Variants in SBF2 observed in about 807,000 individuals in gnomAD.
SBF2 encodes myotubularin-related protein 13.
Under a neutral mutation model 225.2 loss-of-function variants are expected in SBF2, and 112 were observed. The ratio of observed to expected loss-of-function variants is 0.50; its 90% CI spans 0.43 to 0.58. The LOEUF is 0.58. Among genes scored for constraint, SBF2 ranks in the 20% least tolerant of loss-of-function variants. SBF2 has a pLI of 0.00. For missense variants in SBF2, 1,996 were observed against 2,206.2 expected, an observed-to-expected ratio of 0.90 and a Z score of 1.91; for synonymous variants, 763 against 773.3, an observed-to-expected ratio of 0.99 and a Z score of 0.22.
chr11:10,188,050 G>A (rs372278238), intron 2 of SBF2, among the ~76,000 whole-genome samples: 1 of 152,060 alleles, frequency 6.6e-6, no homozygotes, highest in East Asian at 1.9e-4. Flanking sequence ...AATTAACTTC[G>A]CTCAAGGCTT....
intron 1 of SBF2, among the ~76,000 whole-genome samples, chr11:10,232,824 C>T (rs4430500): frequency 0.42 from 64,196 of 151,980 alleles, 14,304 homozygotes; most frequent in Non-Finnish European, 0.49. Flanking sequence ...AGCCTATTTT[C>T]AAGCTTCCCC....
At chr11:9,963,717 G>T in intron 15 of SBF2, 56 bp downstream of exon 15, 1 of 856,602 alleles carries the variant, frequency 1.2e-6, no homozygotes, top group Non-Finnish European at 1.9e-6. Context: ...ACCTCAGCAC[G>T]TAAATCTGAA....
chr11:10,136,982 C>T (rs1395900922), intron 2 of SBF2, among the ~76,000 whole-genome samples: 1 of 152,082 alleles, frequency 6.6e-6, no homozygotes, highest in Non-Finnish European at 1.5e-5. Context: ...TTGTGTTAAA[C>T]CTGTGTATCA....
intron 16 of SBF2, among the ~76,000 whole-genome samples, chr11:9,932,232 C>T (rs1864548040): frequency 6.6e-6 from 1 of 152,126 alleles, no homozygotes; most frequent in African/African-American, 2.4e-5. Flanking sequence ...GGAGAACTTC[C>T]CCAACCTAGC....
chr11:9,993,345 C>T (rs1054824486), intron 10 of SBF2, among the ~76,000 whole-genome samples: 1 of 152,046 alleles, frequency 6.6e-6, no homozygotes, highest in Non-Finnish European at 1.5e-5. Flanking sequence ...CAATGCCTTA[C>T]TTAATTGATC....
intron 17 of SBF2, among the ~76,000 whole-genome samples, chr11:9,866,662 G>C (rs1302734359): frequency 2.0e-5 from 3 of 152,216 alleles, no homozygotes; most frequent in Non-Finnish European, 2.9e-5. Context: ...CAGGACATTG[G>C]TCTGGGCAAA....
chr11:9,855,359 G>A (rs1857243156), intron 19 of SBF2, among the ~76,000 whole-genome samples: 1 of 152,164 alleles, frequency 6.6e-6, no homozygotes, highest in Non-Finnish European at 1.5e-5. Context: ...AAAGGTTTGG[G>A]CCAGAGATTT....
Position 10,223,717 on chromosome 11 carries a change from C to T in SBF2, c.56-29730G>A, listed in dbSNP as rs1728007730. ...ATCGCTAGTGGCACTGTGTATGAGT[C>T]CCATAGTGTTATTCAACTAAACATG... On this transcript the variant is annotated intron_variant, in intron 1 of 39. Transcript: ENST00000256190. Among the ~76,000 whole-genome samples, 4 of 151,766 alleles carry T rather than the reference C, an allele frequency of 2.6e-5. No homozygotes were observed. The South Asian group carries it at 8.3e-4, about 32-fold the overall frequency.
intron 6 of SBF2, among the ~76,000 whole-genome samples, chr11:10,014,176 T>C (rs1384431828): frequency 6.6e-6 from 1 of 152,174 alleles, no homozygotes; most frequent in East Asian, 1.9e-4. Context: ...TGTTAGGGCA[T>C]GTGTTAGATC....
chr11:10,109,073 T>C (rs1298970424), intron 2 of SBF2, among the ~76,000 whole-genome samples: 2 of 152,102 alleles, frequency 1.3e-5, no homozygotes, highest in African/African-American at 2.4e-5. Context: ...TGGTGATGCA[T>C]TGGAAAATAT....
At position 10,211,014 on chromosome 11, in the gene SBF2, CAA is replaced by C. The variant is rs1230619092; in HGVS notation, c.56-17029_56-17028del. ...GGCGACAAGAGCAAGACTCTTGACT[CAA>C]AAAAAAAAAAAAAAAAAAAGAGCCT... On this transcript the variant is annotated intron_variant, in intron 1 of 39. Coordinates refer to ENST00000256190, the MANE Select transcript of SBF2 (RefSeq NM_030962.4). Among the ~76,000 whole-genome samples the C allele has an allele frequency of 3.9e-3, 130 of 33,060 alleles. 2 individuals carry two copies. The highest frequency in any genetic ancestry group is 8.5e-3 in the African/African-American group (105 of 12,348). The allele number at this position is 33,060 out of a possible 152,430, so 21.7% of individuals were successfully genotyped here.
chr11:10,209,746 G>A (rs1427663251), intron 1 of SBF2, among the ~76,000 whole-genome samples: 1 of 151,980 alleles, frequency 6.6e-6, no homozygotes, highest in Non-Finnish European at 1.5e-5. Flanking sequence ...TAAGCATTCA[G>A]TGTCTCCACT....
intron 16 of SBF2, among the ~76,000 whole-genome samples, chr11:9,912,193 T>C (rs9919617): frequency 0.3 from 43,842 of 147,040 alleles, 7,234 homozygotes; most frequent in African/African-American, 0.47. Flanking sequence ...CGGGTGCCTG[T>C]AATCTCAGCT....
intron 2 of SBF2, among the ~76,000 whole-genome samples, chr11:10,101,276 G>C (rs1331128544): frequency 6.6e-6 from 1 of 152,142 alleles, no homozygotes; most frequent in Non-Finnish European, 1.5e-5. Flanking sequence ...GTGAATCAAA[G>C]GCAACAGGGA....
chr11:10,265,121 G>A (rs550902738), intron 1 of SBF2, among the ~76,000 whole-genome samples: 1 of 152,164 alleles, frequency 6.6e-6, no homozygotes, highest in African/African-American at 2.4e-5. Flanking sequence ...TAGGTCAAAT[G>A]GTATTTCTAG....
intron 23 of SBF2, 104 bp downstream of exon 23, chr11:9,846,852 T>C (rs1210037514): frequency 2.4e-6 from 3 of 1,273,632 alleles, no homozygotes; most frequent in African/African-American, 1.5e-5. Context: ...TTCCCCATTC[T>C]CATCCTCTTA....
In SBF2 at chr11:9,856,608, T is replaced by C. The variant is rs890907310; in HGVS notation, c.2213A>G (p.His738Arg). The C allele has an allele frequency of 3.1e-6, 5 of 1,614,026 alleles. No individual in the cohort carries two copies. The African/African-American group carries it at 5.3e-5, about 17-fold the overall frequency. ...SKSTQQELVQ[H>R]EESTVFSQAI... ...CTGACTAAAGACAGTGCTTTCCTCA[T>C]GTTGCACTAGCTCTTGCTGAGTTGA... The change falls in exon 19 of 40, where the codon CAT becomes CGT. Residue 738 changes from histidine (H) to arginine (R), a missense_variant. Coordinates refer to ENST00000256190, the MANE Select transcript of SBF2 (RefSeq NM_030962.4).
intron 16 of SBF2, among the ~76,000 whole-genome samples, chr11:9,927,589 A>T (rs1362024231): frequency 6.6e-6 from 1 of 152,170 alleles, no homozygotes; most frequent in Non-Finnish European, 1.5e-5. Context: ...AAAATAAAAA[A>T]TACATCATGA....
rs184598906 is a variant in SBF2, at chr11:9,921,528, A to T, written c.1861-25517T>A. ...CACTGCCTTATAGTGTACTAAAATT[A>T]TCCTTTCTGATATGGCCTTGAAACA... On this transcript the variant is annotated intron_variant, in intron 16 of 39. Transcript: ENST00000256190. Among the ~76,000 whole-genome samples, 15 of 152,358 alleles carry T rather than the reference A, an allele frequency of 9.8e-5. No individual in the cohort carries two copies. In the East Asian group the frequency reaches 2.7e-3, roughly 27 times the overall value.
Sources: gnomAD v4.1 joint callset for allele counts (sites outside exome capture counted in the v4.1 genomes callset) on GRCh38, gnomAD v4.1.1 for gene constraint, MANE v1.5 for transcripts, NCBI Gene and HGNC (gene_info 2026-07-23, HGNC 2026-07-21) for gene names.